Variants in INTU observed in about 807,000 individuals in gnomAD.
INTU encodes protein inturned.
A neutral mutation model predicts 100.5 loss-of-function variants in INTU; 68 were observed. The observed-to-expected ratio is 0.68, with a 90% CI of 0.56 to 0.83. INTU has a LOEUF of 0.83. INTU is among the 40% of genes least tolerant of loss of function. INTU has a pLI of 0.00. For missense variants in INTU, 1,071 were observed against 1,114.7 expected, an observed-to-expected ratio of 0.96 and a Z score of 0.56; for synonymous variants, 357 against 395.7, an observed-to-expected ratio of 0.90 and a Z score of 1.16.
At chr4:127,653,628 A>T (rs1381024513) in intron 2 of INTU, among the ~76,000 whole-genome samples, 6 of 151,340 alleles carry the variant, frequency 4.0e-5, no homozygotes, top group African/African-American at 9.7e-5. Context: ...TGCTGAGGAG[A>T]GCTTTACTTC....
chr4:127,668,591 T>C (rs954952221), intron 4 of INTU, among the ~76,000 whole-genome samples: 8 of 151,842 alleles, frequency 5.3e-5, no homozygotes, highest in Non-Finnish European at 1.0e-4. Flanking sequence ...TTTTAAAAAA[T>C]AATGTAAAAG....
intron 12 of INTU, 71 bp downstream of exon 12, chr4:127,707,040 A>G: frequency 6.7e-7 from 1 of 1,501,708 alleles, no homozygotes. Flanking sequence ...TATAATTGCA[A>G]GACATTTTTT....
chr4:127,654,427 A>G (rs899608814), intron 2 of INTU, among the ~76,000 whole-genome samples: 42 of 152,222 alleles, frequency 2.8e-4, no homozygotes, highest in African/African-American at 9.9e-4. Flanking sequence ...GGTGGTGACA[A>G]AATCTCTCAG....
intron 11 of INTU, 99 bp downstream of exon 11, chr4:127,705,911 A>G (rs2148731731): frequency 1.2e-6 from 1 of 805,484 alleles, no homozygotes; most frequent in Non-Finnish European, 2.0e-6. Flanking sequence ...GTAGGTATCT[A>G]TTGACTGTCT....
At chr4:127,671,262 C>G (rs1316623766) in intron 5 of INTU, among the ~76,000 whole-genome samples, 1 of 151,792 alleles carries the variant, frequency 6.6e-6, no homozygotes, top group African/African-American at 2.4e-5. Flanking sequence ...TCAGACAACT[C>G]AACAAGAAAA....
At chr4:127,701,123 C>A (rs1238080094) in intron 9 of INTU, among the ~76,000 whole-genome samples, 2 of 152,080 alleles carry the variant, frequency 1.3e-5, no homozygotes, top group Non-Finnish European at 2.9e-5. Flanking sequence ...ATAAAATATG[C>A]TTGATGAAGC....
rs569476627 is a variant in INTU, at chr4:127,688,925, A to G, written c.1449+1058A>G. On this transcript the variant is annotated intron_variant, in intron 8 of 15. Coordinates refer to ENST00000335251, the MANE Select transcript of INTU (RefSeq NM_015693.4). ...GCCTGGTCTTTTGATATTTCAGGAC[A>G]ATAATTACCCTTTCCTTTCTTTCTT... is the stretch of plus-strand genomic sequence containing the variant. Among the ~76,000 whole-genome samples, 11 of 111,976 alleles carry G rather than the reference A, an allele frequency of 9.8e-5. No homozygotes were observed. The East Asian group carries it at 2.8e-3, about 29-fold the overall frequency. The allele number at this position is 111,976 out of a possible 152,430, so 73.5% of individuals were successfully genotyped here.
chr4:127,676,931 C>T (rs948037124), intron 6 of INTU, among the ~76,000 whole-genome samples: 3 of 152,180 alleles, frequency 2.0e-5, no homozygotes, highest in Non-Finnish European at 4.4e-5. Context: ...TAAAAAAAGG[C>T]GCACCAGGAG....
chr4:127,707,034 ATTG>A lies in INTU; in HGVS notation c.2271+66_2271+68del, dbSNP rs900651292. 4 of 1,507,272 alleles carry A rather than the reference ATTG, an allele frequency of 2.7e-6. No homozygotes were observed. In the African/African-American group the frequency reaches 5.6e-5, roughly 21 times the overall value. The allele number at this position is 1,507,272 out of a possible 1,614,324, so 93.4% of individuals were successfully genotyped here. A position where few individuals can be genotyped will look rare whatever the true frequency, so the allele number is the denominator to read the frequency against. On this transcript the variant is annotated intron_variant, in intron 12 of 15. Coordinates refer to ENST00000335251, the MANE Select transcript of INTU (RefSeq NM_015693.4). Reference sequence around the variant, plus strand: ...TTGTCTCTCCAGTCCTTGTTTTATAATTGCAAGACATTTTTTTAGTGGCATACC... The same window carrying A: ...TTGTCTCTCCAGTCCTTGTTTTATAACAAGACATTTTTTTAGTGGCATACC...
At chr4:127,684,639 T>A (rs1254534487) in intron 7 of INTU, among the ~76,000 whole-genome samples, 153 bp downstream of exon 7, 1 of 151,208 alleles carries the variant, frequency 6.6e-6, no homozygotes, top group African/African-American at 2.4e-5. Flanking sequence ...CTCTTCCTCC[T>A]CCTCCTTCTT....
intron 12 of INTU, among the ~76,000 whole-genome samples, chr4:127,707,655 G>T (rs903024317): frequency 6.6e-6 from 1 of 152,006 alleles, no homozygotes; most frequent in Admixed American, 6.6e-5. Context: ...GTGTGTGTGT[G>T]TGTGTATGTC....
intron 1 of INTU, among the ~76,000 whole-genome samples, chr4:127,638,121 GAACACAGAAAAGAA>G (rs1727155472): frequency 6.6e-6 from 1 of 152,168 alleles, no homozygotes; most frequent in South Asian, 2.1e-4. Flanking sequence ...TTGGTAGACA[GAACACAGAAAAGAA>G]AACACAGAAA....
intron 3 of INTU, among the ~76,000 whole-genome samples, chr4:127,661,622 C>CT (rs1274808171): frequency 6.6e-6 from 1 of 152,116 alleles, no homozygotes; most frequent in Non-Finnish European, 1.5e-5. Context: ...GAGCTCCTTC[C>CT]TAAAGCCCAA....
intron 8 of INTU, among the ~76,000 whole-genome samples, chr4:127,692,332 G>C (rs1032825057): frequency 2.0e-5 from 3 of 152,050 alleles, no homozygotes; most frequent in Admixed American, 6.6e-5. Flanking sequence ...GCATTTCTCT[G>C]ATCATTAGTG....
At chr4:127,654,112 G>T (rs1182224235) in intron 2 of INTU, among the ~76,000 whole-genome samples, 2 of 150,592 alleles carry the variant, frequency 1.3e-5, no homozygotes, top group African/African-American at 2.5e-5. Flanking sequence ...GAGCCTATGT[G>T]TGTCTCTGCA....
At chr4:127,654,259 G>A (rs1015414821) in intron 2 of INTU, among the ~76,000 whole-genome samples, 11 of 152,052 alleles carry the variant, frequency 7.2e-5, no homozygotes, top group Admixed American at 2.6e-4. Flanking sequence ...ATTTGATCCT[G>A]TCATTATGAT....
intron 3 of INTU, among the ~76,000 whole-genome samples, chr4:127,662,785 T>C (rs1267831764): frequency 6.6e-6 from 1 of 152,192 alleles, no homozygotes; most frequent in East Asian, 1.9e-4. Context: ...AAAACTCTCT[T>C]GATAAAATTG....
chr4:127,685,705 A>G, intron 7 of INTU: 1 of 233,810 alleles, frequency 4.3e-6, no homozygotes, highest in Non-Finnish European at 8.7e-6. Flanking sequence ...AAACTTTGCC[A>G]TATTTTGCCC....
At chr4:127,690,035 A>G (rs972984670) in intron 8 of INTU, among the ~76,000 whole-genome samples, 1 of 152,148 alleles carries the variant, frequency 6.6e-6, no homozygotes, top group Non-Finnish European at 1.5e-5. Context: ...CTCAAAATAT[A>G]TAGTCCCTTC....
Sources: gnomAD v4.1 joint callset for allele counts (sites outside exome capture counted in the v4.1 genomes callset) on GRCh38, gnomAD v4.1.1 for gene constraint, MANE v1.5 for transcripts, NCBI Gene and HGNC (gene_info 2026-07-23, HGNC 2026-07-21) for gene names.